Variants in MEGF8 observed in about 807,000 individuals in gnomAD.
MEGF8 encodes multiple EGF like domains 8.
Under a neutral mutation model 302.9 loss-of-function variants are expected in MEGF8, and 156 were observed. That is an observed-to-expected ratio of 0.52 (90% CI 0.45 to 0.59). The LOEUF is 0.59. Ranked by LOEUF, MEGF8 falls within the 20% of genes least tolerant of loss-of-function variation. The pLI is 0.00. For missense variants in MEGF8, 3,345 were observed against 3,964.5 expected, an observed-to-expected ratio of 0.84 and a Z score of 4.20; for synonymous variants, 1,621 against 1,660.5, an observed-to-expected ratio of 0.98 and a Z score of 0.58.
rs1159232126 is a variant in MEGF8, at chr19:42,344,803, G to T, written c.2067G>T (p.Gln689His). 6.2e-7 allele frequency: 1 copy of T among 1,603,042 alleles called. No individual in the cohort carries two copies. Among genetic ancestry groups the T allele is most frequent in the Admixed American group, 1.7e-5 (1 of 58,994 alleles). Residue 689 changes from glutamine (Q) to histidine (H), a missense_variant, in exon 12 of 42, where the codon CAG becomes CAT. Physicochemically the swap from Gln to His is conservative, Grantham distance 24 (BLOSUM62 0). Coordinates refer to ENST00000251268, the MANE Select transcript of MEGF8 (RefSeq NM_001271938.2). The surrounding 1 kb of genome is among the most constrained non-coding windows in gnomAD (Gnocchi z 4.5). The part of the protein sequence containing the change: ...FLPGLHLLTF[Q>H]QPPNTSQPDK... ...CTGGCCTGCACTTGCTCACCTTTCA[G>T]CAGCCGCCCAATACCTCCCAGCCTG...
At chr19:42,363,298 C>T (rs144389913) in intron 35 of MEGF8, 36 bp downstream of exon 35, 16 of 1,540,116 alleles carry the variant, frequency 1.0e-5, no homozygotes, top group Non-Finnish European at 1.4e-5. Flanking sequence ...CAGGCAAGGG[C>T]CCGGGCAGGT....
rs751978019 is a variant in MEGF8, at chr19:42,357,026, C to T, written c.4830+45C>T. Reference sequence around the variant, plus strand: ...CCACTCCCCAGCCCTCACACTGGGCCCTGACAGAGACAGCTGTGGTAGCTC... The same window carrying T: ...CCACTCCCCAGCCCTCACACTGGGCTCTGACAGAGACAGCTGTGGTAGCTC... On this transcript the variant is annotated intron_variant, in intron 27 of 41. Transcript: ENST00000251268. The surrounding 1 kb of genome is among the most constrained non-coding windows in gnomAD (Gnocchi z 5.2). 2 of 1,503,976 alleles carry T rather than the reference C, an allele frequency of 1.3e-6. No homozygotes were observed. The highest frequency in any genetic ancestry group is 2.5e-5 in the South Asian group (2 of 79,988). 93.2% of individuals were successfully genotyped at this position (1,503,976 alleles called of 1,614,324 possible).
In MEGF8 at chr19:42,358,962, T is replaced by G. The variant is rs780915020; in HGVS notation, c.5343+8T>G. On this transcript the variant is annotated splice_region_variant and intron_variant, in intron 30 of 41. Transcript: ENST00000251268. The surrounding 1 kb of genome is among the most constrained non-coding windows in gnomAD (Gnocchi z 4.4). ...TCACCTCACCTGAAGGAGGTGAGAT[T>G]TGAAGAGGGTTAGGATTGGGTGGGC... 1.2e-6 allele frequency: 2 copies of G among 1,607,028 alleles called. No homozygotes were observed. The highest frequency in any genetic ancestry group is 1.7e-6 in the Non-Finnish European group (2 of 1,177,064).
chr19:42,334,049 G>A lies in MEGF8; in HGVS notation c.394G>A (p.Gly132Ser). The A allele has an allele frequency of 6.2e-7, 1 of 1,613,872 alleles. No homozygotes were observed. Among genetic ancestry groups the A allele is most frequent in the East Asian group, 2.2e-5 (1 of 44,872 alleles). Residue 132 changes from glycine (G) to serine (S), a missense_variant, in exon 3 of 42, where the codon GGC becomes AGC. Gly to Ser is a moderately conservative substitution (Grantham distance 56). Coordinates refer to ENST00000251268, the MANE Select transcript of MEGF8 (RefSeq NM_001271938.2). ...CAGTGATGCCAACTACAACCTGCTG[G>A]GCTTTAACGCCTCATTCCGCTTCTC... ...LFSDANYNLL[G>S]FNASFRFSLC...
At chr19:42,337,720 G>A (rs1301550895) in intron 8 of MEGF8, among the ~76,000 whole-genome samples, 6 of 151,848 alleles carry the variant, frequency 4.0e-5, no homozygotes, top group South Asian at 2.1e-4. Flanking sequence ...GTTAGCCAGG[G>A]TGGTCTCGAT....
At chr19:42,350,465 G>T (rs2039352388) in intron 15 of MEGF8, 81 bp downstream of exon 15, 3 of 1,274,646 alleles carry the variant, frequency 2.4e-6, no homozygotes, top group Non-Finnish European at 3.1e-6. Flanking sequence ...ACCCCTGGTG[G>T]GGGGTGTGGG....
chr19:42,369,774 T>A lies in MEGF8; in HGVS notation c.6834+51T>A. ...CCGACCCTGGGACCCAGGCCCTCAC[T>A]TGCCTTCATCCCACGCTCAGGCGGC... On this transcript the variant is annotated intron_variant, in intron 38 of 41. Coordinates refer to ENST00000251268, the MANE Select transcript of MEGF8 (RefSeq NM_001271938.2). This position sits in a 1 kb window ranked among gnomAD's most constrained non-coding sequence, Gnocchi z 5.7. The A allele has an allele frequency of 1.3e-6, 2 of 1,534,530 alleles. No homozygotes were observed. Among genetic ancestry groups the A allele is most frequent in the Non-Finnish European group, 1.8e-6 (2 of 1,139,816 alleles).
intron 9 of MEGF8, 36 bp downstream of exon 9, chr19:42,343,667 G>C: frequency 6.4e-7 from 1 of 1,566,988 alleles, no homozygotes; most frequent in Non-Finnish European, 8.7e-7. Context: ...GGTGGCTGGG[G>C]GGAGGAGGTA....
chr19:42,360,569 T>G (rs2039517389), intron 31 of MEGF8, among the ~76,000 whole-genome samples: 1 of 152,170 alleles, frequency 6.6e-6, no homozygotes. Context: ...GGTCTTAAAC[T>G]CCTGGGCTCA....
At position 42,352,547 on chromosome 19, in the gene MEGF8, T is replaced by C; in HGVS notation, c.3350+91T>C. ...GAAGCCATCATGGCGCTGGGTCCCC[T>C]CCTGTGGAACCAGCATCCCCAGTTA... is the stretch of plus-strand genomic sequence containing the variant. On this transcript the variant is annotated intron_variant, in intron 19 of 41. Transcript: ENST00000251268. The surrounding 1 kb of genome is among the most constrained non-coding windows in gnomAD (Gnocchi z 4.4). 2 of 1,442,536 alleles carry C rather than the reference T, an allele frequency of 1.4e-6. No homozygotes were observed. Among genetic ancestry groups the C allele is most frequent in the Non-Finnish European group, 1.9e-6 (2 of 1,079,682 alleles). 89.4% of individuals were successfully genotyped at this position (1,442,536 alleles called of 1,614,324 possible).
intron 31 of MEGF8, among the ~76,000 whole-genome samples, chr19:42,360,545 A>G (rs1253568213): frequency 6.6e-6 from 1 of 151,686 alleles, no homozygotes; most frequent in Non-Finnish European, 1.5e-5. Flanking sequence ...GGGTCTTTCT[A>G]CGTTGCCCAG....
rs1282266149 is a variant in MEGF8, at chr19:42,351,957, C to T, written c.3101+196C>T. ...TTTTTCCTCCTTTTCCGGCTCTCTGCGATTCGTTTTCTTTCTCCTTGTCTG... is the reference window on the plus strand; with the variant it reads ...TTTTTCCTCCTTTTCCGGCTCTCTGTGATTCGTTTTCTTTCTCCTTGTCTG... On this transcript the variant is annotated intron_variant, in intron 18 of 41. Coordinates refer to ENST00000251268, the MANE Select transcript of MEGF8 (RefSeq NM_001271938.2). The surrounding 1 kb of genome is among the most constrained non-coding windows in gnomAD (Gnocchi z 5.6). Among the ~76,000 whole-genome samples the T allele has an allele frequency of 6.6e-6, 1 of 152,096 alleles. No individual in the cohort carries two copies. The highest frequency in any genetic ancestry group is 2.1e-4 in the South Asian group (1 of 4,826).
rs998320232 is a variant in MEGF8, at chr19:42,356,401, T to C, written c.4570T>C (p.Trp1524Arg). 9 of 1,612,476 alleles carry C rather than the reference T, an allele frequency of 5.6e-6. No individual in the cohort carries two copies. The highest frequency in any genetic ancestry group is 7.6e-6 in the Non-Finnish European group (9 of 1,179,306). The change falls in exon 26 of 42, where the codon TGG becomes CGG. Residue 1524 changes from tryptophan (W) to arginine (R), a missense_variant. Trp to Arg is a moderately radical substitution (Grantham distance 101). Transcript: ENST00000251268. The surrounding 1 kb of genome is among the most constrained non-coding windows in gnomAD (Gnocchi z 5.2). The part of the protein sequence containing the change: ...TMVDGPDATL[W>R]MFGGLGLPQG... ...GGTGGATGGACCCGATGCCACCTTG[T>C]GGATGTTTGGGGGCCTGGGCCTGCC...
chr19:42,364,881 A>G (rs2039582171), intron 35 of MEGF8, among the ~76,000 whole-genome samples: 1 of 152,200 alleles, frequency 6.6e-6, no homozygotes, highest in African/African-American at 2.4e-5. Flanking sequence ...TAGAGCATAG[A>G]GCAATGCCTG....
At chr19:42,331,652 C>G (rs948272818) in intron 1 of MEGF8, among the ~76,000 whole-genome samples, 3 of 152,008 alleles carry the variant, frequency 2.0e-5, no homozygotes, top group Non-Finnish European at 2.9e-5. Context: ...TCACTGTAAC[C>G]TCTGCCTCCC....
intron 1 of MEGF8, among the ~76,000 whole-genome samples, chr19:42,327,613 T>G (rs1238944284): frequency 1.3e-5 from 2 of 152,258 alleles, no homozygotes; most frequent in Non-Finnish European, 2.9e-5. Context: ...TAAACTCCTA[T>G]GCATGCCTCA....
At chr19:42,335,507 T>C in intron 5 of MEGF8, 122 bp downstream of exon 5, 1 of 822,308 alleles carries the variant, frequency 1.2e-6, no homozygotes, top group Non-Finnish European at 1.9e-6. Context: ...TATAGGAACC[T>C]ACTTCTCCCT....
chr19:42,359,100 C>A lies in MEGF8; in HGVS notation c.5346C>A (p.Pro1782=), dbSNP rs770762925. 2.6e-6 allele frequency: 4 copies of A among 1,523,834 alleles called. No individual in the cohort carries two copies. The highest frequency in any genetic ancestry group is 4.2e-5 in the Admixed American group (2 of 47,802). 94.4% of individuals were successfully genotyped at this position (1,523,834 alleles called of 1,614,324 possible). ...LEEISPHLKE[P]RPRLFHASAL... is the part of the protein sequence containing the mutation. The stretch of plus-strand genomic sequence containing the variant: ...CCCACCCCCCGTCTCCCCAACAGCC[C>A]CGCCCCCGGCTTTTCCACGCCTCAG... The change falls in exon 31 of 42, where the codon CCC becomes CCA. Residue 1782 remains proline, a splice_region_variant and synonymous_variant. Coordinates refer to ENST00000251268, the MANE Select transcript of MEGF8 (RefSeq NM_001271938.2).
In MEGF8 at chr19:42,333,731, G is replaced by C. The variant is rs989955864; in HGVS notation, c.314G>C (p.Ser105Thr). 3 of 1,613,880 alleles carry C rather than the reference G, an allele frequency of 1.9e-6. No individual in the cohort carries two copies. Among genetic ancestry groups the C allele is most frequent in the Non-Finnish European group, 2.5e-6 (3 of 1,179,904 alleles). Residue 105 changes from serine to threonine, a missense_variant, in exon 2 of 42, where the codon AGC (serine) becomes ACC (threonine). Physicochemically the swap from Ser to Thr is moderately conservative, Grantham distance 58. Coordinates refer to ENST00000251268, the MANE Select transcript of MEGF8 (RefSeq NM_001271938.2). ...RGPLLASLSG[S>T]TRPPPIEASS... ...CCGCTGCTTGCCAGTCTAAGTGGGA[G>C]CACCCGACCTCCGCCCATCGAAGCT...
Sources: gnomAD v4.1 joint callset for allele counts (sites outside exome capture counted in the v4.1 genomes callset) on GRCh38, gnomAD v4.1.1 for gene constraint, Gnocchi (gnomAD v3.1) non-coding constraint, MANE v1.5 for transcripts, NCBI Gene and HGNC (gene_info 2026-07-23, HGNC 2026-07-21) for gene names.